The following FMN1 variants were observed in gnomAD, a reference collection of about 807,000 sequenced individuals.
FMN1 encodes the protein formin 1, also known as formin-1.
Under a neutral mutation model 132.4 loss-of-function variants are expected in FMN1, and 110 were observed. That is an observed-to-expected ratio of 0.83 (90% confidence interval 0.71 to 0.97). The LOEUF (loss-of-function observed/expected upper bound fraction) is 0.97, where lower values mean the gene tolerates loss of function less well. Ranked by LOEUF, FMN1 falls within the 50% of genes least tolerant of loss-of-function variation. The probability of loss-of-function intolerance (pLI) is 0.00; values close to 1 mark genes in which losing one functional copy is unlikely to be tolerated. For synonymous variants in FMN1, 722 were observed against 651.7 expected, an observed-to-expected ratio of 1.11 and a Z score of -1.64; for missense variants, 1,792 against 1,705.3, an observed-to-expected ratio of 1.05 and a Z score of -0.90.
chr15:33,079,800 T>A (rs1000306373), intron 5 of FMN1, among the ~76,000 whole-genome samples: 3 of 152,244 alleles, frequency 2.0e-5, no homozygotes, highest in Non-Finnish European at 2.9e-5. Flanking sequence ...CTGGTTAACT[T>A]GCATGTGAAT....
At chr15:33,151,323 T>C in intron 4 of FMN1, 1 of 1,536,572 alleles carries the variant, frequency 6.5e-7, no homozygotes, top group Non-Finnish European at 8.7e-7. Flanking sequence ...GCACAGGAGA[T>C]GCTTACAGTT....
At chr15:33,114,459 T>G (rs1235807191) in intron 4 of FMN1, among the ~76,000 whole-genome samples, 2 of 152,252 alleles carry the variant, frequency 1.3e-5, no homozygotes, top group African/African-American at 4.8e-5. Flanking sequence ...ATGGAATGTG[T>G]GGCCAGTGGA....
At chr15:33,122,416 T>C (rs1009894130) in intron 4 of FMN1, among the ~76,000 whole-genome samples, 1 of 152,162 alleles carries the variant, frequency 6.6e-6, no homozygotes, top group Non-Finnish European at 1.5e-5. Flanking sequence ...GTAAGGTAGG[T>C]CAGAGTAGGT....
chr15:32,778,690 C>G (rs1012911871), intron 19 of FMN1, among the ~76,000 whole-genome samples: 1 of 151,984 alleles, frequency 6.6e-6, no homozygotes, highest in African/African-American at 2.4e-5. Flanking sequence ...AAACTGGAAC[C>G]CTTATACACT....
At chr15:33,080,105 G>C (rs12910785) in intron 5 of FMN1, among the ~76,000 whole-genome samples, 11,289 of 152,294 alleles carry the variant, frequency 0.074, 558 homozygotes, top group Middle Eastern at 0.12. Flanking sequence ...GCAAGAACAA[G>C]TCACATTGTC....
chr15:32,838,993 C>T (rs1329974085), intron 17 of FMN1, among the ~76,000 whole-genome samples: 1 of 152,128 alleles, frequency 6.6e-6, no homozygotes, highest in Non-Finnish European at 1.5e-5. Context: ...ACTAATTGCC[C>T]ATCTGCTTGT....
At chr15:33,025,832 G>C (rs1417042603) in intron 6 of FMN1, among the ~76,000 whole-genome samples, 1 of 151,954 alleles carries the variant, frequency 6.6e-6, no homozygotes, top group Non-Finnish European at 1.5e-5. Context: ...AAGAGAATCA[G>C]ATTCAGAATA....
intron 4 of FMN1, among the ~76,000 whole-genome samples, chr15:33,114,116 G>A (rs1044477779): frequency 2.6e-5 from 4 of 152,206 alleles, no homozygotes; most frequent in African/African-American, 7.2e-5. Flanking sequence ...GTTTCCCTCT[G>A]AGCCTGTTCT....
At chr15:33,179,975 G>A (rs73382512) in intron 3 of FMN1, among the ~76,000 whole-genome samples, 9,674 of 152,162 alleles carry the variant, frequency 0.064, 1,093 homozygotes, top group African/African-American at 0.22. Flanking sequence ...AATCAGGAGC[G>A]TAAATACTTA....
At chr15:32,850,006 T>C (rs1001763111) in intron 17 of FMN1, among the ~76,000 whole-genome samples, 1 of 152,212 alleles carries the variant, frequency 6.6e-6, no homozygotes, top group African/African-American at 2.4e-5. Context: ...ACTTAAGTGA[T>C]CCGGAAGTCA....
intron 3 of FMN1, among the ~76,000 whole-genome samples, chr15:33,160,776 TC>T (rs1964857433): frequency 6.6e-6 from 1 of 152,184 alleles, no homozygotes; most frequent in Non-Finnish European, 1.5e-5. Flanking sequence ...GCACTTTGCT[TC>T]CCAGGGAGTC....
chr15:32,849,328 T>C (rs1429629016), intron 17 of FMN1, among the ~76,000 whole-genome samples: 1 of 152,014 alleles, frequency 6.6e-6, no homozygotes, highest in African/African-American at 2.4e-5. Context: ...CACTGTTAGG[T>C]AGTATTCATT....
Position 33,081,897 on chromosome 15 carries a change from G to C in FMN1, c.2043+6902C>G, listed in dbSNP as rs149656472. ...CAGGTTCATAAGATACAATTACTTGGAACGGGATGCTTTGTCTTCCCCAGA... is the reference window on the plus strand; with the variant it reads ...CAGGTTCATAAGATACAATTACTTGCAACGGGATGCTTTGTCTTCCCCAGA... On this transcript the variant is annotated intron_variant, in intron 5 of 20. Coordinates refer to ENST00000616417, the MANE Select transcript of FMN1 (RefSeq NM_001277313.2). Among the ~76,000 whole-genome samples, 979 of 152,242 alleles carry C rather than the reference G, an allele frequency of 6.4e-3. 5 individuals are homozygous for C. The highest frequency in any genetic ancestry group is 0.01 in the Non-Finnish European group (684 of 68,014).
chr15:32,998,860 A>G (rs552563816), intron 7 of FMN1, among the ~76,000 whole-genome samples: 116 of 152,324 alleles, frequency 7.6e-4, no homozygotes, highest in African/African-American at 2.8e-3. Flanking sequence ...ATTCTACAAC[A>G]GCCTCCTTCT....
chr15:32,896,811 T>C (rs964027329), intron 15 of FMN1, among the ~76,000 whole-genome samples: 2 of 152,220 alleles, frequency 1.3e-5, no homozygotes, highest in African/African-American at 2.4e-5. Flanking sequence ...TATTCATCTA[T>C]TGACAGACAT....
In FMN1 at chr15:32,902,057, G is replaced by A; in HGVS notation, c.3378-17C>T. Reference sequence around the variant, plus strand: ...TGTAAAAATCTGTAAAAAAGAAAATGTGTCATCTACCTTCACATATAATCA... The same window carrying A: ...TGTAAAAATCTGTAAAAAAGAAAATATGTCATCTACCTTCACATATAATCA... On this transcript the variant is annotated splice_polypyrimidine_tract_variant and intron_variant, in intron 12 of 20. Coordinates refer to ENST00000616417, the MANE Select transcript of FMN1 (RefSeq NM_001277313.2). The A allele has an allele frequency of 6.2e-7, 1 of 1,600,872 alleles. No individual in the cohort carries two copies. Among genetic ancestry groups the A allele is most frequent in the Non-Finnish European group, 8.5e-7 (1 of 1,174,658 alleles).
chr15:33,037,961 C>G (rs1172865769), intron 6 of FMN1, among the ~76,000 whole-genome samples: 2 of 152,210 alleles, frequency 1.3e-5, no homozygotes, highest in African/African-American at 4.8e-5. Context: ...TGTGGTGGCT[C>G]ACGCCTATAA....
intron 17 of FMN1, chr15:32,810,855 T>A (rs2057850933): frequency 2.4e-6 from 1 of 413,054 alleles, no homozygotes; most frequent in Non-Finnish European, 4.8e-6. Context: ...CCATGGTTTA[T>A]GGACCTGACA....
chr15:33,008,336 ATGAG>A (rs2034526522), intron 6 of FMN1, among the ~76,000 whole-genome samples: 1 of 152,162 alleles, frequency 6.6e-6, no homozygotes, highest in Non-Finnish European at 1.5e-5. Context: ...AAAAGGGATG[ATGAG>A]TGTGTTCCAG....
Sources: allele counts gnomAD v4.1 joint callset (sites outside exome capture counted in the v4.1 genomes callset), GRCh38; gene constraint gnomAD v4.1.1; transcripts MANE v1.5; gene names NCBI Gene and HGNC (gene_info 2026-07-23, HGNC 2026-07-21).